SLC35F2: variants seen among roughly 807,000 people sequenced by gnomAD.
SLC35F2 encodes queuine/queuosine transporter SLC35F2.
In SLC35F2, 25 loss-of-function variants were observed where a neutral mutation model predicts 38.1. That is an observed-to-expected ratio of 0.66 (90% CI 0.48 to 0.92). The LOEUF is 0.92. SLC35F2 is among the 40% of genes least tolerant of loss of function. The pLI is 0.00. For missense variants in SLC35F2, 409 were observed against 452.9 expected (o/e 0.90, Z 0.88); for synonymous variants, 173 against 181.7 (o/e 0.95, Z 0.38).
intron 1 of SLC35F2, among the ~76,000 whole-genome samples, chr11:107,846,233 T>C (rs913023328): frequency 1.3e-5 from 2 of 151,430 alleles, no homozygotes; most frequent in African/African-American, 4.9e-5. Flanking sequence ...AAATCACATG[T>C]GACAACCTGG....
At chr11:107,849,371 G>A (rs1222180158) in intron 1 of SLC35F2, among the ~76,000 whole-genome samples, 2 of 152,094 alleles carry the variant, frequency 1.3e-5, no homozygotes, top group Non-Finnish European at 2.9e-5. Context: ...AGGTGCGGTG[G>A]CTCACGTCTG....
At chr11:107,847,496 TAACTC>T (rs926825279) in intron 1 of SLC35F2, among the ~76,000 whole-genome samples, 6 of 152,218 alleles carry the variant, frequency 3.9e-5, no homozygotes, top group African/African-American at 1.4e-4. Flanking sequence ...ATTTCAGTCT[TAACTC>T]ATACATATCA....
intron 3 of SLC35F2, chr11:107,810,944 C>T: frequency 1.0e-6 from 1 of 972,052 alleles, no homozygotes; most frequent in Non-Finnish European, 1.2e-6. Flanking sequence ...CTGATACACA[C>T]TTTTTTTTAT....
intron 1 of SLC35F2, among the ~76,000 whole-genome samples, chr11:107,831,609 C>T (rs192984097): frequency 3.3e-5 from 5 of 152,316 alleles, no homozygotes; most frequent in African/African-American, 1.2e-4. Context: ...TGCCCTTGTT[C>T]TAGATACACC....
At chr11:107,821,597 C>T (rs1050684845) in intron 1 of SLC35F2, 1 of 985,286 alleles carries the variant, frequency 1.0e-6, no homozygotes, top group Admixed American at 6.2e-5. Context: ...TGTACAAGGT[C>T]CTGGTTCATG....
intron 1 of SLC35F2, among the ~76,000 whole-genome samples, chr11:107,828,985 G>A (rs1169014351): frequency 6.6e-6 from 1 of 151,542 alleles, no homozygotes; most frequent in Admixed American, 6.6e-5. Context: ...GTGCACGCCT[G>A]TAGTCCCAGC....
At chr11:107,842,061 G>C (rs1477633826) in intron 1 of SLC35F2, among the ~76,000 whole-genome samples, 1 of 148,032 alleles carries the variant, frequency 6.8e-6, no homozygotes, top group South Asian at 2.1e-4. Context: ...ACAAGACTTC[G>C]TCTCAAAAAA....
At chr11:107,802,125 C>T (rs1392261552) in intron 7 of SLC35F2, among the ~76,000 whole-genome samples, 1 of 151,944 alleles carries the variant, frequency 6.6e-6, no homozygotes. Flanking sequence ...GTAATCCCAG[C>T]TACTCAGGAG....
chr11:107,800,476 C>T (rs545348839), intron 7 of SLC35F2, among the ~76,000 whole-genome samples: 7 of 152,270 alleles, frequency 4.6e-5, no homozygotes, highest in South Asian at 4.1e-4. Context: ...TAGTTAATAA[C>T]CTCTACTGAA....
At chr11:107,816,914 C>T (rs1384214805) in intron 1 of SLC35F2, among the ~76,000 whole-genome samples, 1 of 152,012 alleles carries the variant, frequency 6.6e-6, no homozygotes, top group African/African-American at 2.4e-5. Context: ...AATGAGATCA[C>T]TAAGGCGTAT....
Position 107,792,817 on chromosome 11 carries a change from G to T in SLC35F2, c.940-17C>A. 1 of 1,543,688 alleles carries T rather than the reference G, an allele frequency of 6.5e-7. No homozygotes were observed. ...TCCTGAAAACTAGAAGGGAAGAACA[G>T]GCAGTGAATTGTGCCCCTCACATAC... On this transcript the variant is annotated splice_polypyrimidine_tract_variant and intron_variant, in intron 7 of 7. Coordinates refer to ENST00000525815, the MANE Select transcript of SLC35F2 (RefSeq NM_017515.5).
intron 1 of SLC35F2, among the ~76,000 whole-genome samples, chr11:107,831,518 C>A (rs1859841314): frequency 6.6e-6 from 1 of 152,202 alleles, no homozygotes; most frequent in African/African-American, 2.4e-5. Flanking sequence ...CACCACCACA[C>A]CCAACCAACA....
chr11:107,795,871 C>T (rs1427085542), intron 7 of SLC35F2, among the ~76,000 whole-genome samples: 1 of 152,194 alleles, frequency 6.6e-6, no homozygotes, highest in Non-Finnish European at 1.5e-5. Flanking sequence ...CGGTGGCCCA[C>T]GCCTGTAATC....
At chr11:107,831,636 A>G (rs1036690918) in intron 1 of SLC35F2, among the ~76,000 whole-genome samples, 4 of 152,338 alleles carry the variant, frequency 2.6e-5, no homozygotes, top group South Asian at 2.1e-4. Context: ...CATTAATCCT[A>G]TATTTCCCAG....
intron 1 of SLC35F2, among the ~76,000 whole-genome samples, chr11:107,823,399 T>C (rs972347927): frequency 2.6e-5 from 4 of 152,196 alleles, no homozygotes; most frequent in African/African-American, 9.7e-5. Flanking sequence ...TTCATATTAG[T>C]GCTAAGACTC....
chr11:107,844,251 A>C (rs1244098607), intron 1 of SLC35F2, among the ~76,000 whole-genome samples: 1 of 152,112 alleles, frequency 6.6e-6, no homozygotes, highest in Non-Finnish European at 1.5e-5. Context: ...TGTTAGGCAA[A>C]ATTACCTCAC....
rs1027888820 is a variant in SLC35F2, at chr11:107,809,625, CCTT to C, written c.414+2039_414+2041del. ...CCAGCCTGGGTGACAGAGCAAGACT[CCTT>C]CTCAGAAAAAAAAAAAGTATTCTTG... On this transcript the variant is annotated intron_variant, in intron 3 of 7. Transcript: ENST00000525815. The C allele has an allele frequency of 1.3e-5, 12 of 936,230 alleles. No individual in the cohort carries two copies. The African/African-American group carries it at 2.0e-4, about 15-fold the overall frequency. The allele number at this position is 936,230 out of a possible 1,614,324, so 58.0% of individuals were successfully genotyped here.
At chr11:107,808,213 T>A (rs957478281) in intron 3 of SLC35F2, among the ~76,000 whole-genome samples, 2 of 151,994 alleles carry the variant, frequency 1.3e-5, no homozygotes, top group African/African-American at 2.4e-5. Flanking sequence ...CTCTTGCTCA[T>A]CCTCCTCACA....
At chr11:107,855,072 G>A (rs780305829) in intron 1 of SLC35F2, among the ~76,000 whole-genome samples, 2 of 152,108 alleles carry the variant, frequency 1.3e-5, no homozygotes, top group Admixed American at 6.6e-5. Flanking sequence ...CTGATTGCTG[G>A]GTCTGATAAA....
Sources: allele counts gnomAD v4.1 joint callset (sites outside exome capture counted in the v4.1 genomes callset), GRCh38; gene constraint gnomAD v4.1.1; transcripts MANE v1.5; gene names NCBI Gene and HGNC (gene_info 2026-07-23, HGNC 2026-07-21).